Variants in DUSP22 observed in about 807,000 individuals in gnomAD.
The protein encoded by DUSP22 is dual specificity protein phosphatase 22.
Under a neutral mutation model 24.5 loss-of-function variants are expected in DUSP22, and 24 were observed. The observed-to-expected ratio is 0.98, with a 90% confidence interval of 0.71 to 1.38. The LOEUF (loss-of-function observed/expected upper bound fraction) is 1.38. Among genes scored for constraint, DUSP22 ranks in the 40% most tolerant of loss-of-function variants. DUSP22 has a pLI of 0.00. For missense variants in DUSP22, 330 were observed against 269.2 expected (o/e 1.23, Z -1.58); for synonymous variants, 160 against 106.4 (o/e 1.50, Z -3.10).
Position 304,637 on chromosome 6 carries a change from G to C in DUSP22, c.31G>C (p.Gly11Arg). 1 of 1,614,148 alleles carries C rather than the reference G, an allele frequency of 6.2e-7. No individual in the cohort carries two copies. The highest frequency in any genetic ancestry group is 1.6e-4 in the Middle Eastern group (1 of 6,062). Residue 11 changes from glycine to arginine, a missense_variant, in exon 2 of 7, where the codon GGC (glycine) becomes CGC (arginine). By Grantham distance (125) the Gly-to-Arg change is moderately radical. Transcript: ENST00000419235. MGNGMNKILP[G>R]LYIGNFKDAR... The stretch of plus-strand genomic sequence containing the variant: ...TCTGTCTCTCTCCTAGATCCTGCCC[G>C]GCCTGTACATCGGCAACTTCAAAGG...
chr6:295,906 A>G (rs1432280883), intron 1 of DUSP22, among the ~76,000 whole-genome samples: 2 of 152,220 alleles, frequency 1.3e-5, no homozygotes, highest in Non-Finnish European at 2.9e-5. Flanking sequence ...AAACGACCTT[A>G]TATTTGCCCA....
chr6:319,774 G>A (rs1418856133), intron 3 of DUSP22, among the ~76,000 whole-genome samples: 2 of 152,300 alleles, frequency 1.3e-5, no homozygotes, highest in African/African-American at 4.8e-5. Flanking sequence ...CACCTCAGTT[G>A]TTTTCATCTC....
intron 3 of DUSP22, among the ~76,000 whole-genome samples, chr6:332,644 C>CTTTTTTTTTTTTTTTTTTTTT (rs3053546): frequency 2.0e-5 from 3 of 148,066 alleles, no homozygotes; most frequent in Non-Finnish European, 3.0e-5. Flanking sequence ...TCCTGTCCTT[C>CTTTTTTTTTTTTTTTTTTTTT]TTTTTTTTTT....
At chr6:342,987 T>G (rs1398050520) in intron 4 of DUSP22, among the ~76,000 whole-genome samples, 2 of 152,308 alleles carry the variant, frequency 1.3e-5, no homozygotes, top group Non-Finnish European at 2.9e-5. Context: ...GCTACCCAGC[T>G]CTTTGCTGGG....
chr6:296,095 G>A (rs530904731), intron 1 of DUSP22, among the ~76,000 whole-genome samples: 3 of 152,416 alleles, frequency 2.0e-5, no homozygotes, highest in South Asian at 4.1e-4. Context: ...TCATAGCTTC[G>A]ATTACTTGTC....
chr6:348,225 TG>T lies in DUSP22; in HGVS notation c.389del (p.Gly130AlafsTer21). 6.2e-7 allele frequency: 1 copy of T among 1,614,310 alleles called. No homozygotes were observed. Among genetic ancestry groups the T allele is most frequent in the Non-Finnish European group, 8.5e-7 (1 of 1,180,058 alleles). Reference sequence around the variant, plus strand: ...GGGAGATCCTGTGCCAACCCCAACGTGGGCTTCCAGAGACAGCTCCAGGAGT... The same window carrying T: ...GGGAGATCCTGTGCCAACCCCAACGTGGCTTCCAGAGACAGCTCCAGGAGT... Reference protein sequence around the residue: ...RAGRSCANPNVGFQRQLQEFE... With the variant: ...RAGRSCANPNXGFQRQLQEFE... On this transcript the variant is annotated frameshift_variant, in exon 6 of 7. Coordinates refer to ENST00000419235, the MANE Select transcript of DUSP22 (RefSeq NM_001286555.3). LOFTEE classifies it high-confidence loss of function.
intron 3 of DUSP22, among the ~76,000 whole-genome samples, chr6:328,228 A>T (rs998931552): frequency 6.6e-6 from 1 of 152,308 alleles, no homozygotes; most frequent in Non-Finnish European, 1.5e-5. Context: ...CCCAGTTTTC[A>T]TGAGTCACAA....
intron 3 of DUSP22, among the ~76,000 whole-genome samples, chr6:333,353 C>T (rs1308608334): frequency 6.6e-6 from 1 of 152,302 alleles, no homozygotes; most frequent in Non-Finnish European, 1.5e-5. Flanking sequence ...CAATAAAGTT[C>T]ATCTCCTTCA....
intron 3 of DUSP22, among the ~76,000 whole-genome samples, chr6:328,520 G>C (rs923190234): frequency 1.2e-4 from 18 of 152,416 alleles, no homozygotes; most frequent in Non-Finnish European, 1.2e-4. Context: ...TTTCTCATTT[G>C]CATGTTGTCT....
At chr6:345,354 T>C (rs559460809) in intron 4 of DUSP22, among the ~76,000 whole-genome samples, 123 of 152,332 alleles carry the variant, frequency 8.1e-4, no homozygotes, top group African/African-American at 2.8e-3. Flanking sequence ...GGATTACAGG[T>C]GTGTGCCACC....
chr6:349,971 A>C lies in DUSP22; in HGVS notation c.*1020A>C. On this transcript the variant is annotated 3_prime_UTR_variant, in exon 7 of 7. Coordinates refer to ENST00000419235, the MANE Select transcript of DUSP22 (RefSeq NM_001286555.3). ...GGGCTCCTCCTCAACATTTGCATGC[A>C]CCTGCAAGAATTGGGAAGAAAGAGC... The C allele has an allele frequency of 1.0e-6, 1 of 985,770 alleles. No individual in the cohort carries two copies. Among genetic ancestry groups the C allele is most frequent in the African/African-American group, 1.7e-5 (1 of 57,400 alleles). 61.1% of individuals were successfully genotyped at this position (985,770 alleles called of 1,614,324 possible).
Position 349,088 on chromosome 6 carries a change from A to G in DUSP22, c.*137A>G, listed in dbSNP as rs1361446776. The stretch of plus-strand genomic sequence containing the variant: ...GGTGGGGCGAGGGCTCCTTCCCCCA[A>G]GCAACACCGCCCAGCCCTGCTCCAG... On this transcript the variant is annotated 3_prime_UTR_variant, in exon 7 of 7. Coordinates refer to ENST00000419235, the MANE Select transcript of DUSP22 (RefSeq NM_001286555.3). The G allele has an allele frequency of 8.9e-6, 13 of 1,467,152 alleles. No individual in the cohort carries two copies. Among genetic ancestry groups the G allele is most frequent in the Admixed American group, 7.0e-5 (3 of 42,962 alleles). 90.9% of individuals were successfully genotyped at this position (1,467,152 alleles called of 1,614,324 possible).
chr6:316,994 G>T (rs576989417), intron 3 of DUSP22, among the ~76,000 whole-genome samples: 15 of 152,420 alleles, frequency 9.8e-5, no homozygotes, highest in African/African-American at 3.6e-4. Flanking sequence ...GTTTTTAAAA[G>T]AATGGGATGT....
intron 3 of DUSP22, among the ~76,000 whole-genome samples, chr6:332,644 C>CTTTTT (rs3053546): frequency 2.0e-5 from 3 of 148,066 alleles, no homozygotes; most frequent in African/African-American, 2.5e-5. Flanking sequence ...TCCTGTCCTT[C>CTTTTT]TTTTTTTTTT....
At chr6:322,299 C>G (rs1317133255) in intron 3 of DUSP22, among the ~76,000 whole-genome samples, 3 of 152,310 alleles carry the variant, frequency 2.0e-5, no homozygotes, top group Admixed American at 2.0e-4. Flanking sequence ...AATTCACAGC[C>G]TGTGAACACG....
At chr6:338,124 G>A (rs1759445577) in intron 4 of DUSP22, 2 of 152,442 alleles carry the variant, frequency 1.3e-5, no homozygotes, top group African/African-American at 4.8e-5. Context: ...TCATGCTCTT[G>A]TGTGATTTTT....
At chr6:295,200 T>C (rs1211661225) in intron 1 of DUSP22, among the ~76,000 whole-genome samples, 2 of 152,296 alleles carry the variant, frequency 1.3e-5, no homozygotes, top group Admixed American at 1.3e-4. Flanking sequence ...TTGGAATGTG[T>C]GTGCCCTGAG....
At chr6:320,657 AAG>A (rs1758543827) in intron 3 of DUSP22, among the ~76,000 whole-genome samples, 1 of 152,178 alleles carries the variant, frequency 6.6e-6, no homozygotes. Context: ...AGACTTTGTA[AAG>A]AGAGGGGTGT....
At chr6:306,851 A>G (rs533981157) in intron 2 of DUSP22, among the ~76,000 whole-genome samples, 1 of 152,424 alleles carries the variant, frequency 6.6e-6, no homozygotes, top group African/African-American at 2.4e-5. Flanking sequence ...GTGTCCTCAC[A>G]TGAGTTACAC....
Sources: allele counts gnomAD v4.1 joint callset (sites outside exome capture counted in the v4.1 genomes callset), GRCh38; gene constraint gnomAD v4.1.1; transcripts MANE v1.5; gene names NCBI Gene and HGNC (gene_info 2026-07-23, HGNC 2026-07-21).